EFR3A: variants seen among roughly 807,000 people sequenced by gnomAD.
EFR3A encodes protein EFR3 homolog A.
In EFR3A, 76 loss-of-function variants were observed where a neutral mutation model predicts 104.4. That is an observed-to-expected ratio of 0.73 (90% CI 0.60 to 0.88). EFR3A has a LOEUF of 0.88. EFR3A is among the 40% of genes least tolerant of loss of function. The probability of loss-of-function intolerance (pLI) is 0.00; values close to 1 mark genes in which losing one functional copy is unlikely to be tolerated. For missense variants in EFR3A, 985 were observed against 1,012.5 expected (o/e 0.97, Z 0.37); for synonymous variants, 330 against 330.0 (o/e 1.00, Z 0.00).
chr8:131,986,231 T>A lies in EFR3A; in HGVS notation c.1907T>A (p.Leu636Gln), dbSNP rs990412600. 1 of 1,592,604 alleles carries A rather than the reference T, an allele frequency of 6.3e-7. No homozygotes were observed. Among genetic ancestry groups the A allele is most frequent in the Non-Finnish European group, 8.6e-7 (1 of 1,163,430 alleles). ...CGAACTATGGAAGCCCCTTATTTTC[T>A]ACCAGAGCATATCTTCAGAGATAAG... ...EIRTMEAPYF[L>Q]PEHIFRDKCM... The change falls in exon 17 of 23, where the codon CTA (leucine) becomes CAA (glutamine). Residue 636 changes from leucine to glutamine, a missense_variant. Transcript: ENST00000254624.
chr8:131,960,389 AT>A (rs1366514843), intron 8 of EFR3A, among the ~76,000 whole-genome samples: 1 of 152,028 alleles, frequency 6.6e-6, no homozygotes, highest in Non-Finnish European at 1.5e-5. Context: ...GGACTTGAAT[AT>A]GTGCAGATTT....
chr8:131,991,959 A>G (rs1308559977), intron 18 of EFR3A, among the ~76,000 whole-genome samples: 2 of 152,112 alleles, frequency 1.3e-5, no homozygotes, highest in Non-Finnish European at 2.9e-5. Context: ...TTGAGACAAC[A>G]CTATATTTCC....
In EFR3A at chr8:132,011,647, TACAG is replaced by T. The variant is rs1822349980; in HGVS notation, c.*753_*756del. ...TTTTACATCATAAGATGTATTAGTT[TACAG>T]GCTGTGCTTTGAAATTATAGTAGTA... On this transcript the variant is annotated 3_prime_UTR_variant, in exon 23 of 23. Transcript: ENST00000254624. 6.3e-6 allele frequency: 1 copy of T among 158,904 alleles called. No individual in the cohort carries two copies. The highest frequency in any genetic ancestry group is 2.4e-5 in the African/African-American group (1 of 41,548). 9.8% of individuals were successfully genotyped at this position (158,904 alleles called of 1,614,324 possible).
chr8:131,917,811 C>T (rs985093622), intron 1 of EFR3A, among the ~76,000 whole-genome samples: 8 of 152,128 alleles, frequency 5.3e-5, no homozygotes, highest in African/African-American at 1.9e-4. Flanking sequence ...TAACCCTTAT[C>T]TTTGAACTTG....
At chr8:131,937,159 G>T (rs1817938246) in intron 1 of EFR3A, among the ~76,000 whole-genome samples, 1 of 152,022 alleles carries the variant, frequency 6.6e-6, no homozygotes, top group African/African-American at 2.4e-5. Flanking sequence ...TTAGGAAATG[G>T]GAAGACCAAA....
At chr8:131,931,347 A>G (rs1017394014) in intron 1 of EFR3A, among the ~76,000 whole-genome samples, 2 of 152,096 alleles carry the variant, frequency 1.3e-5, no homozygotes, top group African/African-American at 4.8e-5. Context: ...TTTGTTAGGG[A>G]GTTAGAAGTT....
chr8:131,970,065 A>G (rs566000533), intron 9 of EFR3A, among the ~76,000 whole-genome samples: 1 of 152,340 alleles, frequency 6.6e-6, no homozygotes, highest in East Asian at 1.9e-4. Context: ...CAAAAGATAC[A>G]AAATAAATAT....
At chr8:131,995,414 G>A (rs1821423301) in intron 18 of EFR3A, among the ~76,000 whole-genome samples, 1 of 152,152 alleles carries the variant, frequency 6.6e-6, no homozygotes, top group Non-Finnish European at 1.5e-5. Context: ...ACTGTAAGCT[G>A]CACGGGATGT....
chr8:131,937,239 A>T (rs1461812663), intron 1 of EFR3A, among the ~76,000 whole-genome samples: 3 of 152,172 alleles, frequency 2.0e-5, no homozygotes, highest in African/African-American at 4.8e-5. Flanking sequence ...ATTTACTCAT[A>T]AAAAAAGAGC....
chr8:131,983,547 A>C (rs939650479), intron 14 of EFR3A, among the ~76,000 whole-genome samples: 2 of 151,970 alleles, frequency 1.3e-5, no homozygotes, highest in African/African-American at 4.8e-5. Context: ...ATCTTTACTT[A>C]GATCAGTCTA....
chr8:132,000,349 C>T (rs1000622216), intron 19 of EFR3A, among the ~76,000 whole-genome samples: 2 of 152,052 alleles, frequency 1.3e-5, no homozygotes, highest in African/African-American at 4.8e-5. Flanking sequence ...AGGATGGTCT[C>T]GATCTCCTGA....
intron 2 of EFR3A, among the ~76,000 whole-genome samples, chr8:131,941,548 T>G (rs1366457901): frequency 1.3e-5 from 2 of 152,098 alleles, no homozygotes; most frequent in Non-Finnish European, 2.9e-5. Flanking sequence ...TTGTGGCATA[T>G]TAAAAACCCT....
chr8:131,972,903 A>G (rs1368220628), intron 10 of EFR3A, among the ~76,000 whole-genome samples: 1 of 151,978 alleles, frequency 6.6e-6, no homozygotes, highest in African/African-American at 2.4e-5. Context: ...GGATATGCAT[A>G]CATGCATTTT....
chr8:132,010,753 G>A (rs1392851783), intron 22 of EFR3A, 37 bp from the exon 23 acceptor site: 1 of 1,604,430 alleles, frequency 6.2e-7, no homozygotes, highest in Admixed American at 1.7e-5. Context: ...CAGCTTGTAA[G>A]TACACCTGCT....
At chr8:131,944,925 C>CT (rs913076017) in intron 3 of EFR3A, 53 bp downstream of exon 3, 14 of 1,571,384 alleles carry the variant, frequency 8.9e-6, no homozygotes, top group African/African-American at 6.8e-5. Context: ...TCTTTCTAGA[C>CT]TTTTAAATCA....
intron 1 of EFR3A, among the ~76,000 whole-genome samples, chr8:131,930,713 T>A (rs567741450): frequency 2.2e-4 from 34 of 152,212 alleles, no homozygotes; most frequent in Middle Eastern, 3.4e-3. Flanking sequence ...GAAATTCTAG[T>A]GGTCTTAGCC....
At chr8:131,972,420 G>A (rs1348924556) in intron 10 of EFR3A, among the ~76,000 whole-genome samples, 3 of 151,066 alleles carry the variant, frequency 2.0e-5, no homozygotes, top group Non-Finnish European at 4.4e-5. Context: ...TAATATCTTG[G>A]ACTTTAATAT....
At chr8:131,963,736 C>T (rs1432153157) in intron 8 of EFR3A, among the ~76,000 whole-genome samples, 2 of 152,152 alleles carry the variant, frequency 1.3e-5, no homozygotes, top group Non-Finnish European at 2.9e-5. Flanking sequence ...CCAGCATCAT[C>T]CTGATACCAA....
chr8:131,998,575 C>A (rs1586673185), intron 19 of EFR3A, among the ~76,000 whole-genome samples: 1 of 152,056 alleles, frequency 6.6e-6, no homozygotes, highest in Admixed American at 6.5e-5. Context: ...CAATTCCAAC[C>A]TTGGCCTACT....
Sources: gnomAD v4.1 joint callset for allele counts (sites outside exome capture counted in the v4.1 genomes callset) on GRCh38, gnomAD v4.1.1 for gene constraint, MANE v1.5 for transcripts, NCBI Gene and HGNC (gene_info 2026-07-23, HGNC 2026-07-21) for gene names.